Variants in LMNB1 observed in about 807,000 individuals in gnomAD.
LMNB1 encodes lamin B1.
LMNB1 carries 23 observed loss-of-function variants against 67.1 expected under a neutral mutation model. The observed-to-expected ratio is 0.34, with a 90% CI of 0.25 to 0.49. The LOEUF (loss-of-function observed/expected upper bound fraction) is 0.49, where lower values mean the gene tolerates loss of function less well. LMNB1 is among the 20% of genes least tolerant of loss of function. LMNB1 has a pLI of 0.99. For synonymous variants in LMNB1, 281 were observed against 282.9 expected, an observed-to-expected ratio of 0.99 and a Z score of 0.07; for missense variants, 634 against 746.5, an observed-to-expected ratio of 0.85 and a Z score of 1.76.
chr5:126,817,437 A>G (rs1469866863), intron 5 of LMNB1, among the ~76,000 whole-genome samples: 2 of 152,168 alleles, frequency 1.3e-5, no homozygotes, highest in East Asian at 3.8e-4. Flanking sequence ...CTCACCGATA[A>G]AAGTGGGTAA....
At chr5:126,802,483 A>C (rs555729630) in intron 1 of LMNB1, among the ~76,000 whole-genome samples, 1 of 152,266 alleles carries the variant, frequency 6.6e-6, no homozygotes, top group African/African-American at 2.4e-5. Context: ...TCACTCTGTC[A>C]CCCAGGCTGG....
chr5:126,823,013 G>T lies in LMNB1; in HGVS notation c.1491+128G>T, dbSNP rs966257160. The stretch of plus-strand genomic sequence containing the variant: ...TTAAAGTACTTTTTATATTATTAGG[G>T]CATTACAAGTGCTATAAAAGATTTT... On this transcript the variant is annotated intron_variant, in intron 8 of 10. Transcript: ENST00000261366. 9.3e-6 allele frequency: 6 copies of T among 645,770 alleles called. No homozygotes were observed. Among genetic ancestry groups the T allele is most frequent in the African/African-American group, 7.5e-5 (4 of 53,614 alleles). 40.0% of individuals were successfully genotyped at this position (645,770 alleles called of 1,614,324 possible). A position where few individuals can be genotyped will look rare whatever the true frequency, so the allele number is the denominator to read the frequency against.
intron 1 of LMNB1, among the ~76,000 whole-genome samples, chr5:126,784,937 C>G (rs1240398789): frequency 6.6e-6 from 1 of 151,950 alleles, no homozygotes; most frequent in Non-Finnish European, 1.5e-5. Flanking sequence ...GCTGGGATTA[C>G]AGGCGTAAGC....
rs540079078 is a variant in LMNB1 at position 126,820,057 on chromosome 5, G to T, written c.1161-853G>T. Among the ~76,000 whole-genome samples, 25 of 152,136 alleles carry T rather than the reference G, an allele frequency of 1.6e-4. No individual in the cohort carries two copies. In the East Asian group the frequency reaches 3.5e-3, roughly 21 times the overall value. ...CTACTTGGGAGGCTGAGACAGAATT[G>T]CTTGAACCTGGGAGGTGGAGTTTGC... On this transcript the variant is annotated intron_variant, in intron 6 of 10. Transcript: ENST00000261366.
At chr5:126,818,600 G>C (rs1359660619) in intron 5 of LMNB1, among the ~76,000 whole-genome samples, 1 of 152,198 alleles carries the variant, frequency 6.6e-6, no homozygotes, top group Non-Finnish European at 1.5e-5. Flanking sequence ...TAAAGGCTTT[G>C]TAAGGGAGCC....
intron 5 of LMNB1, among the ~76,000 whole-genome samples, chr5:126,816,456 G>A (rs569566767): frequency 6.6e-6 from 1 of 152,204 alleles, no homozygotes. Flanking sequence ...CAGAAAAGTT[G>A]GCAAAGTACT....
chr5:126,836,464 G>A lies in LMNB1; in HGVS notation c.*200G>A. On this transcript the variant is annotated 3_prime_UTR_variant, in exon 11 of 11. Coordinates refer to ENST00000261366, the MANE Select transcript of LMNB1 (RefSeq NM_005573.4). ...ATGTCCATACACTTTGTTGCAAGATGTGAATTATTGACACTGAACTTAATA... is the reference window on the plus strand; with the variant it reads ...ATGTCCATACACTTTGTTGCAAGATATGAATTATTGACACTGAACTTAATA... The A allele has an allele frequency of 4.1e-6, 2 of 493,050 alleles. No individual in the cohort carries two copies. The allele number at this position is 493,050 out of a possible 1,614,324, so 30.5% of individuals were successfully genotyped here.
chr5:126,787,373 AATGT>A (rs1252905977), intron 1 of LMNB1, among the ~76,000 whole-genome samples: 1 of 148,352 alleles, frequency 6.7e-6, no homozygotes, highest in Non-Finnish European at 1.5e-5. Context: ...AGTTGTCCTG[AATGT>A]CAAATAATTT....
intron 1 of LMNB1, among the ~76,000 whole-genome samples, chr5:126,804,405 G>A (rs1751363991): frequency 6.6e-6 from 1 of 152,062 alleles, no homozygotes; most frequent in Non-Finnish European, 1.5e-5. Context: ...GTTCCTGTAT[G>A]TTTTGGCTTA....
rs540383639 is a variant in LMNB1 at position 126,779,413 on chromosome 5, C to T, written c.359+1546C>T. Among the ~76,000 whole-genome samples the T allele has an allele frequency of 8.5e-5, 13 of 152,252 alleles. No homozygotes were observed. The South Asian group carries it at 2.7e-3, about 32-fold the overall frequency. ...CCTTGGTTTCATCTTTTAAAATGAG[C>T]AGTCAGTTAACTCACACTATTATTT... On this transcript the variant is annotated intron_variant, in intron 1 of 10. Coordinates refer to ENST00000261366, the MANE Select transcript of LMNB1 (RefSeq NM_005573.4).
chr5:126,836,386 A>G lies in LMNB1; in HGVS notation c.*122A>G, dbSNP rs1023645703. 6 of 693,376 alleles carry G rather than the reference A, an allele frequency of 8.7e-6. No homozygotes were observed. Among genetic ancestry groups the G allele is most frequent in the African/African-American group, 7.2e-5 (4 of 55,480 alleles). 43.0% of individuals were successfully genotyped at this position (693,376 alleles called of 1,614,324 possible). A position where few individuals can be genotyped will look rare whatever the true frequency, so the allele number is the denominator to read the frequency against. On this transcript the variant is annotated 3_prime_UTR_variant, in exon 11 of 11. Coordinates refer to ENST00000261366, the MANE Select transcript of LMNB1 (RefSeq NM_005573.4). Reference sequence around the variant, plus strand: ...CCTTTATGTGAATTTTTAAGCTGCAAATCTGATGGCCTTAATTTCCTTTTT... The same window carrying G: ...CCTTTATGTGAATTTTTAAGCTGCAGATCTGATGGCCTTAATTTCCTTTTT...
chr5:126,803,505 C>A (rs912510628), intron 1 of LMNB1, among the ~76,000 whole-genome samples: 1 of 151,806 alleles, frequency 6.6e-6, no homozygotes, highest in African/African-American at 2.4e-5. Flanking sequence ...ACCTCAGCCT[C>A]CCAGAGTGCT....
At chr5:126,810,150 T>A in intron 3 of LMNB1, 30 bp from the exon 4 acceptor site, 2 of 1,590,874 alleles carry the variant, frequency 1.3e-6, no homozygotes, top group Non-Finnish European at 1.7e-6. Context: ...GGTAAGTAGC[T>A]TGGCTTTATG....
intron 1 of LMNB1, among the ~76,000 whole-genome samples, chr5:126,786,563 G>T (rs575485549): frequency 7.2e-5 from 11 of 152,244 alleles, no homozygotes; most frequent in African/African-American, 2.6e-4. Flanking sequence ...ATTGTGATAG[G>T]GTGTTCACAT....
chr5:126,826,111 T>C lies in LMNB1; in HGVS notation c.1611+4T>C, dbSNP rs1312841670. Reference sequence around the variant, plus strand: ...ATTGAAAAATTCTCAGGGAGAGGTATGGCCAGTTTATCAGGACCACCACAA... The same window carrying C: ...ATTGAAAAATTCTCAGGGAGAGGTACGGCCAGTTTATCAGGACCACCACAA... On this transcript the variant is annotated splice_donor_region_variant and intron_variant, in intron 9 of 10. Transcript: ENST00000261366. 3.1e-6 allele frequency: 5 copies of C among 1,608,714 alleles called. No homozygotes were observed. In the South Asian group the frequency reaches 5.5e-5, roughly 18 times the overall value.
intron 1 of LMNB1, among the ~76,000 whole-genome samples, chr5:126,800,982 A>ATATATTTTTTTTTTTTTTT: frequency 5.4e-5 from 1 of 18,632 alleles, no homozygotes; most frequent in Non-Finnish European, 1.0e-4. Context: ...TATATATATA[A>ATATATTTTTTTTTTTTTTT]TTTTTTTTTT....
At chr5:126,796,401 C>T (rs1689409113) in intron 1 of LMNB1, among the ~76,000 whole-genome samples, 1 of 152,012 alleles carries the variant, frequency 6.6e-6, no homozygotes, top group Admixed American at 6.6e-5. Context: ...GTGCAGAGGC[C>T]AAGCAAAGTT....
intron 3 of LMNB1, among the ~76,000 whole-genome samples, chr5:126,809,634 C>T (rs1371241905): frequency 6.6e-6 from 1 of 152,170 alleles, no homozygotes; most frequent in Admixed American, 6.6e-5. Flanking sequence ...TTGTAGTGAG[C>T]TGAGATCATA....
At chr5:126,794,322 G>A (rs1751037787) in intron 1 of LMNB1, among the ~76,000 whole-genome samples, 1 of 152,108 alleles carries the variant, frequency 6.6e-6, no homozygotes, top group Non-Finnish European at 1.5e-5. Context: ...TTTCCCTTTG[G>A]AAGGGAAGTT....
Sources: allele counts gnomAD v4.1 joint callset (sites outside exome capture counted in the v4.1 genomes callset), GRCh38; gene constraint gnomAD v4.1.1; transcripts MANE v1.5; gene names NCBI Gene and HGNC (gene_info 2026-07-23, HGNC 2026-07-21).